CSRNP3: variants seen among roughly 807,000 people sequenced by gnomAD.
The protein encoded by CSRNP3 is cysteine/serine-rich nuclear protein 3.
Under a neutral mutation model 48.0 loss-of-function variants are expected in CSRNP3, and 12 were observed. That is an observed-to-expected ratio of 0.25 (90% CI 0.16 to 0.41). CSRNP3 has a LOEUF of 0.41. CSRNP3 is among the 10% of genes least tolerant of loss of function. The pLI is 1.00. For missense variants in CSRNP3, 580 were observed against 724.4 expected (o/e 0.80, Z 2.29); for synonymous variants, 263 against 269.7 (o/e 0.98, Z 0.24).
chr2:165,636,090 G>T (rs9287860), intron 4 of CSRNP3, among the ~76,000 whole-genome samples: 8 of 151,934 alleles, frequency 5.3e-5, no homozygotes, highest in African/African-American at 1.9e-4. Context: ...TTAAACTTAC[G>T]TAAATGAATG....
chr2:165,667,756 C>T (rs1200593257), intron 5 of CSRNP3, among the ~76,000 whole-genome samples: 1 of 152,140 alleles, frequency 6.6e-6, no homozygotes, highest in Admixed American at 6.6e-5. Context: ...TGTACCTAGC[C>T]TTCCTTTTCA....
chr2:165,673,965 T>C (rs1179410766), intron 5 of CSRNP3, among the ~76,000 whole-genome samples: 2 of 151,974 alleles, frequency 1.3e-5, no homozygotes, highest in African/African-American at 4.8e-5. Context: ...AGATTGCAGC[T>C]AGCCGAGATT....
Position 165,679,682 on chromosome 2 carries a change from A to G in CSRNP3, c.1687A>G (p.Ser563Gly). Reference protein sequence around the residue: ...ISEHPAENSLSLAEKSILHEE... With the variant: ...ISEHPAENSLGLAEKSILHEE... ...AGAGCATCCTGCTGAAAATTCTTTG[A>G]GCCTTGCAGAAAAGAGCATATTGCA... is the stretch of plus-strand genomic sequence containing the variant. Residue 563 changes from serine (S) to glycine (G), a missense_variant, in exon 7 of 7, where the codon AGC (serine) becomes GGC (glycine). By Grantham distance (56) the Ser-to-Gly change is moderately conservative (BLOSUM62 0). Around this residue, in one of 4 missense-constraint regions of CSRNP3, gnomAD observed 369 missense variants for 380.8 expected, o/e 0.97. Coordinates refer to ENST00000651982, the MANE Select transcript of CSRNP3 (RefSeq NM_001172173.2). 2 of 1,614,100 alleles carry G rather than the reference A, an allele frequency of 1.2e-6. No individual in the cohort carries two copies. Among genetic ancestry groups the G allele is most frequent in the Non-Finnish European group, 1.7e-6 (2 of 1,179,990 alleles).
At chr2:165,629,588 A>G (rs1686498353) in intron 4 of CSRNP3, among the ~76,000 whole-genome samples, 2 of 152,208 alleles carry the variant, frequency 1.3e-5, no homozygotes, top group Non-Finnish European at 2.9e-5. Flanking sequence ...GTCCCAGGTC[A>G]TTTGGTTACT....
At chr2:165,540,426 C>A (rs1223850871) in intron 3 of CSRNP3, among the ~76,000 whole-genome samples, 2 of 151,976 alleles carry the variant, frequency 1.3e-5, no homozygotes, top group East Asian at 1.9e-4. Context: ...ACTTGCAAGT[C>A]TTTATTTTTA....
intron 3 of CSRNP3, among the ~76,000 whole-genome samples, chr2:165,583,185 G>C (rs530568151): frequency 4.1e-4 from 62 of 152,202 alleles, no homozygotes; most frequent in African/African-American, 1.3e-3. Context: ...TTGCCAAATG[G>C]GTTTAGGCAG....
chr2:165,597,221 A>G (rs1685826772), intron 4 of CSRNP3, among the ~76,000 whole-genome samples: 1 of 152,248 alleles, frequency 6.6e-6, no homozygotes, highest in Non-Finnish European at 1.5e-5. Context: ...TTTCAACATT[A>G]ATTTCTAAAT....
In CSRNP3 at chr2:165,494,784, G is replaced by T; in HGVS notation, c.-257G>T. On this transcript the variant is annotated 5_prime_UTR_variant, in exon 2 of 7. It removes an upstream start codon present in the reference 5' UTR. Transcript: ENST00000651982. Reference sequence around the variant, plus strand: ...GTACATGTGACAGCGTTGCAGCTATGAGTGGAATTTTAAAGGGGAAGTTTG... The same window carrying T: ...GTACATGTGACAGCGTTGCAGCTATTAGTGGAATTTTAAAGGGGAAGTTTG... 4.7e-6 allele frequency: 1 copy of T among 213,040 alleles called. No individual in the cohort carries two copies. The highest frequency in any genetic ancestry group is 1.1e-4 in the South Asian group (1 of 9,322). The allele number at this position is 213,040 out of a possible 1,614,324, so 13.2% of individuals were successfully genotyped here. A position where few individuals can be genotyped will look rare whatever the true frequency, so the allele number is the denominator to read the frequency against.
chr2:165,640,648 G>A (rs1249017466), intron 4 of CSRNP3, among the ~76,000 whole-genome samples: 1 of 152,134 alleles, frequency 6.6e-6, no homozygotes, highest in Non-Finnish European at 1.5e-5. Flanking sequence ...GATTATTATT[G>A]CTTAATTCTA....
At chr2:165,542,285 T>C (rs918925763) in intron 3 of CSRNP3, among the ~76,000 whole-genome samples, 1 of 152,140 alleles carries the variant, frequency 6.6e-6, no homozygotes, top group Non-Finnish European at 1.5e-5. Context: ...TAGATGAAGC[T>C]TTCGAAAGAA....
intron 3 of CSRNP3, among the ~76,000 whole-genome samples, chr2:165,578,485 A>G (rs1406577894): frequency 6.6e-6 from 1 of 152,088 alleles, no homozygotes; most frequent in Non-Finnish European, 1.5e-5. Context: ...GTTCTCATAT[A>G]CTGTGAAGAA....
chr2:165,556,710 G>C (rs1242260355), intron 3 of CSRNP3, among the ~76,000 whole-genome samples: 1 of 152,162 alleles, frequency 6.6e-6, no homozygotes, highest in African/African-American at 2.4e-5. Flanking sequence ...AGATCGGTGG[G>C]AGAAGATTTA....
intron 4 of CSRNP3, among the ~76,000 whole-genome samples, chr2:165,633,833 A>G (rs10211296): frequency 0.34 from 51,858 of 151,964 alleles, 9,258 homozygotes; most frequent in Non-Finnish European, 0.39. Flanking sequence ...GGCTCCCTGA[A>G]TGTGTTCTTC....
At chr2:165,642,423 A>C (rs1451593079) in intron 4 of CSRNP3, among the ~76,000 whole-genome samples, 2 of 152,150 alleles carry the variant, frequency 1.3e-5, no homozygotes, top group Non-Finnish European at 2.9e-5. Context: ...GGTGATTTGA[A>C]TTTTGCTTTC....
At chr2:165,656,123 C>T (rs1038837116) in intron 4 of CSRNP3, among the ~76,000 whole-genome samples, 1 of 152,222 alleles carries the variant, frequency 6.6e-6, no homozygotes, top group Non-Finnish European at 1.5e-5. Flanking sequence ...GTCCTTCCTT[C>T]CCCAGTGGGG....
chr2:165,678,951 T>C lies in CSRNP3; in HGVS notation c.956T>C (p.Ile319Thr), dbSNP rs780121962. Reference sequence around the variant, plus strand: ...TATTCAATCGCAGACAGTTTTGAGATTGAAACTGAGCCCCAGGCTGCAGTG... The same window carrying C: ...TATTCAATCGCAGACAGTTTTGAGACTGAAACTGAGCCCCAGGCTGCAGTG... ...VEYSIADSFEIETEPQAAVLH... is the reference protein window; with the variant it reads ...VEYSIADSFETETEPQAAVLH... Residue 319 changes from isoleucine to threonine, a missense_variant, in exon 7 of 7, where the codon ATT becomes ACT. Coordinates refer to ENST00000651982, the MANE Select transcript of CSRNP3 (RefSeq NM_001172173.2). The C allele has an allele frequency of 3.1e-6, 5 of 1,613,964 alleles. No individual in the cohort carries two copies. The Admixed American group carries it at 8.3e-5, about 27-fold the overall frequency.
In CSRNP3 at chr2:165,579,074, A is replaced by G. The variant is rs183893942; in HGVS notation, c.-23-15969A>G. Among the ~76,000 whole-genome samples the G allele has an allele frequency of 4.6e-3, 708 of 152,324 alleles. 3 individuals are homozygous for G. The highest frequency in any genetic ancestry group is 7.7e-3 in the Non-Finnish European group (524 of 68,018). On this transcript the variant is annotated intron_variant, in intron 3 of 6. Coordinates refer to ENST00000651982, the MANE Select transcript of CSRNP3 (RefSeq NM_001172173.2). ...CTAATATTAACATTTTTCAGCCCAC[A>G]CAAGTTGATTCCCTGGTGCTGATGA...
intron 2 of CSRNP3, among the ~76,000 whole-genome samples, chr2:165,514,142 C>T (rs1049110268): frequency 6.6e-5 from 10 of 152,214 alleles, no homozygotes; most frequent in African/African-American, 2.4e-4. Flanking sequence ...AGTTATCAGT[C>T]TTCTACAAGT....
chr2:165,543,185 A>T (rs1376325905), intron 3 of CSRNP3, among the ~76,000 whole-genome samples: 1 of 152,122 alleles, frequency 6.6e-6, no homozygotes, highest in Non-Finnish European at 1.5e-5. Flanking sequence ...GTCTTCCTTA[A>T]CTATACCAGA....
Sources: gnomAD v4.1 joint callset for allele counts (sites outside exome capture counted in the v4.1 genomes callset) on GRCh38, gnomAD v4.1.1 for gene constraint, gnomAD v4.1.1 regional missense constraint, MANE v1.5 for transcripts, NCBI Gene and HGNC (gene_info 2026-07-23, HGNC 2026-07-21) for gene names.